The following NMD3 variants were observed in gnomAD, a reference collection of about 807,000 sequenced individuals.
NMD3 encodes NMD3 ribosome export adaptor.
A neutral mutation model predicts 73.1 loss-of-function variants in NMD3; 47 were observed. The ratio of observed to expected loss-of-function variants is 0.64; its 90% confidence interval spans 0.51 to 0.82. NMD3 has a LOEUF of 0.82. Ranked by LOEUF, NMD3 falls within the 40% of genes least tolerant of loss-of-function variation. The probability of loss-of-function intolerance (pLI) is 0.00; values close to 1 mark genes in which losing one functional copy is unlikely to be tolerated. For missense variants in NMD3, 554 were observed against 612.5 expected (o/e 0.90, Z 1.01); for synonymous variants, 210 against 194.5 (o/e 1.08, Z -0.66).
intron 9 of NMD3, among the ~76,000 whole-genome samples, chr3:161,240,148 C>T (rs1736912020): frequency 1.3e-5 from 2 of 152,278 alleles, no homozygotes; most frequent in South Asian, 4.1e-4. Context: ...AAGGACTGAA[C>T]TAAGAGCTGT....
chr3:161,241,361 C>T (rs887781034), intron 10 of NMD3, among the ~76,000 whole-genome samples, 198 bp downstream of exon 10: 22 of 150,282 alleles, frequency 1.5e-4, no homozygotes, highest in South Asian at 6.3e-4. Context: ...TTTAAAGAAA[C>T]AATTCTGTTA....
At chr3:161,230,002 G>GGAA (rs1264973535) in intron 4 of NMD3, among the ~76,000 whole-genome samples, 1 of 152,158 alleles carries the variant, frequency 6.6e-6, no homozygotes, top group Non-Finnish European at 1.5e-5. Context: ...AATGGGAGAA[G>GGAA]GAAGATAGAC....
In NMD3 at chr3:161,233,468, A is replaced by G. The variant is rs1227013654; in HGVS notation, c.346A>G (p.Ile116Val). 1.2e-6 allele frequency: 2 copies of G among 1,600,600 alleles called. No individual in the cohort carries two copies. Among genetic ancestry groups the G allele is most frequent in the Non-Finnish European group, 1.7e-6 (2 of 1,170,282 alleles). ...HSKRLKVKLTIQKEVMNGAIL... is the reference protein window; with the variant it reads ...HSKRLKVKLTVQKEVMNGAIL... ...TAAGAGACTTAAAGTTAAACTGACT[A>G]TTCAGAAAGAGGTAAGCAGTACATA... The change falls in exon 5 of 16, where the codon ATT becomes GTT. Residue 116 changes from isoleucine (I) to valine (V), a missense_variant. Transcript: ENST00000351193.
chr3:161,252,880 CTT>C, downstream of NMD3: 2 of 656,312 alleles, frequency 3.0e-6, no homozygotes, highest in Non-Finnish European at 5.5e-6. Context: ...GGGCAGATCA[CTT>C]CAGGCCAGGA....
At chr3:161,222,352 C>CT (rs973467673) in intron 2 of NMD3, among the ~76,000 whole-genome samples, 87 of 146,730 alleles carry the variant, frequency 5.9e-4, no homozygotes, top group African/African-American at 1.4e-3. Context: ...TTTTTACTTA[C>CT]TTTTTTTTTT....
intron 7 of NMD3, 60 bp downstream of exon 7, chr3:161,235,272 G>A: frequency 1.4e-6 from 1 of 725,274 alleles, no homozygotes; most frequent in Admixed American, 2.6e-5. Flanking sequence ...ACATACCTAA[G>A]TAATCTTATA....
chr3:161,227,253 T>C lies in NMD3; in HGVS notation c.186T>C (p.Phe62=), dbSNP rs746999503. The C allele has an allele frequency of 2.5e-6, 4 of 1,600,116 alleles. No individual in the cohort carries two copies. The highest frequency in any genetic ancestry group is 3.4e-6 in the Non-Finnish European group (4 of 1,172,330). Residue 62 remains phenylalanine, a synonymous_variant, in exon 4 of 16, where the codon TTT becomes TTC. Transcript: ENST00000351193. ...ATGTTATCTTCTCTTTTAGGTATTTTCAACCACCAGGAACTTGGATACAGT... is the reference window on the plus strand; with the variant it reads ...ATGTTATCTTCTCTTTTAGGTATTTCCAACCACCAGGAACTTGGATACAGT... ...ISFCKQCQRY[F]QPPGTWIQCA... is the part of the protein sequence containing the mutation.
At chr3:161,237,984 GACT>G (rs2108089004) in intron 7 of NMD3, 126 bp from the exon 8 acceptor site, 6 of 609,286 alleles carry the variant, frequency 9.8e-6, no homozygotes, top group Non-Finnish European at 1.7e-5. Context: ...AATCTGTTGT[GACT>G]ACAATAGAGT....
chr3:161,225,304 G>A (rs560460709), intron 3 of NMD3, among the ~76,000 whole-genome samples: 85 of 152,254 alleles, frequency 5.6e-4, no homozygotes, highest in African/African-American at 1.5e-3. Context: ...TCTGTTAAAG[G>A]ATCTAATAGA....
intron 8 of NMD3, 95 bp downstream of exon 8, chr3:161,238,286 TA>T: frequency 1.2e-6 from 1 of 814,140 alleles, no homozygotes; most frequent in Non-Finnish European, 2.0e-6. Flanking sequence ...TCTCTTTATT[TA>T]AAATCGTAGT....
intron 4 of NMD3, among the ~76,000 whole-genome samples, chr3:161,231,066 A>T: frequency 6.6e-6 from 1 of 152,234 alleles, no homozygotes; most frequent in Non-Finnish European, 1.5e-5. Flanking sequence ...TAGAGCAGGC[A>T]GAGCACTGGA....
rs1677652354 is a variant in NMD3 at position 161,242,570 on chromosome 3, C to T, written c.934C>T (p.Gln312Ter). ...HPFNSLCHPK[Q>*]LEEFIVMECS... ...TTTCAATAGTTTATGTCATCCCAAA[C>T]AGCTAGAGGAGTTTATTGTGATGGA... The change falls in exon 11 of 16, where the codon CAG (glutamine) becomes TAG (stop). Residue 312 changes from glutamine to a stop codon, truncating the protein, a stop_gained. Transcript: ENST00000351193. LOFTEE classifies it high-confidence loss of function. 1 of 1,613,562 alleles carries T rather than the reference C, an allele frequency of 6.2e-7. No homozygotes were observed. The highest frequency in any genetic ancestry group is 8.5e-7 in the Non-Finnish European group (1 of 1,179,604).
intron 3 of NMD3, 107 bp downstream of exon 3, chr3:161,225,171 A>G (rs1385894208): frequency 1.2e-5 from 14 of 1,209,268 alleles, no homozygotes; most frequent in South Asian, 3.4e-5. Flanking sequence ...AGTGCATGCA[A>G]TTAAGGTTTA....
At chr3:161,238,379 G>A (rs1031712774) in intron 8 of NMD3, among the ~76,000 whole-genome samples, 188 bp downstream of exon 8, 2 of 152,150 alleles carry the variant, frequency 1.3e-5, no homozygotes, top group African/African-American at 2.4e-5. Context: ...TCCAAAGATC[G>A]GGAAATTTTC....
intron 11 of NMD3, among the ~76,000 whole-genome samples, chr3:161,244,392 G>A (rs554257703): frequency 6.6e-6 from 1 of 152,286 alleles, no homozygotes; most frequent in East Asian, 1.9e-4. Context: ...GCCTCCCAAA[G>A]TGTTGGGATT....
At position 161,238,776 on chromosome 3, in the gene NMD3, AC is replaced by A; in HGVS notation, c.704del (p.Thr235AsnfsTer34). 6.3e-7 allele frequency: 1 copy of A among 1,578,866 alleles called. No individual in the cohort carries two copies. ...GATCTCTCAAGATATCCATAGTAACACATACAATTACAAAAGCACTTTTTCT... is the reference window on the plus strand; with the variant it reads ...GATCTCTCAAGATATCCATAGTAACAATACAATTACAAAAGCACTTTTTCT... Reference protein sequence around the residue: ...RLISQDIHSNTYNYKSTFSVE... With the variant: ...RLISQDIHSNXYNYKSTFSVE... On this transcript the variant is annotated frameshift_variant, in exon 9 of 16. Transcript: ENST00000351193. LOFTEE classifies it high-confidence loss of function.
intron 3 of NMD3, among the ~76,000 whole-genome samples, chr3:161,227,027 C>T (rs567488938): frequency 6.6e-6 from 1 of 152,218 alleles, no homozygotes; most frequent in African/African-American, 2.4e-5. Context: ...TAGGTTATTT[C>T]AGATTGACTT....
intron 2 of NMD3, among the ~76,000 whole-genome samples, 156 bp downstream of exon 2, chr3:161,222,213 A>G (rs1474305593): frequency 6.6e-6 from 1 of 152,126 alleles, no homozygotes; most frequent in Non-Finnish European, 1.5e-5. Flanking sequence ...AAATCGAATT[A>G]GTTTCTGGTT....
At chr3:161,227,461 G>C in intron 4 of NMD3, 118 bp downstream of exon 4, 1 of 385,326 alleles carries the variant, frequency 2.6e-6, no homozygotes. Context: ...TTTTTTTTTT[G>C]AGGTGGGGTC....
Sources: gnomAD v4.1 joint callset for allele counts (sites outside exome capture counted in the v4.1 genomes callset) on GRCh38, gnomAD v4.1.1 for gene constraint, MANE v1.5 for transcripts, NCBI Gene and HGNC (gene_info 2026-07-23, HGNC 2026-07-21) for gene names.